The following NAV3 variants were observed in gnomAD, a reference collection of about 807,000 sequenced individuals.
NAV3 encodes the protein neuron navigator 3, also known as pore membrane and/or filament interacting like protein 1.
Under a neutral mutation model 244.7 loss-of-function variants are expected in NAV3, and 87 were observed. The observed-to-expected ratio is 0.36, with a 90% CI of 0.30 to 0.42. The LOEUF is 0.42. Ranked by LOEUF, NAV3 falls within the 20% of genes least tolerant of loss-of-function variation. The pLI, the probability that NAV3 is intolerant of heterozygous loss-of-function variation, is 1.00. For missense variants in NAV3, 2,663 were observed against 2,893.3 expected, an observed-to-expected ratio of 0.92 and a Z score of 1.83; for synonymous variants, 1,126 against 1,042.2, an observed-to-expected ratio of 1.08 and a Z score of -1.55.
intron 2 of NAV3, among the ~76,000 whole-genome samples, chr12:77,802,812 A>G (rs1319530891): frequency 6.6e-6 from 1 of 151,972 alleles, no homozygotes; most frequent in Non-Finnish European, 1.5e-5. Context: ...ACAGGTGCCC[A>G]CCACCATGCC....
chr12:77,985,843 G>C (rs1870410933), intron 5 of NAV3, among the ~76,000 whole-genome samples: 1 of 152,054 alleles, frequency 6.6e-6, no homozygotes, highest in Non-Finnish European at 1.5e-5. Flanking sequence ...TTTTAGCCAT[G>C]ATTTCCTATT....
intron 16 of NAV3, among the ~76,000 whole-genome samples, chr12:78,124,691 C>T (rs1034679940): frequency 5.9e-5 from 9 of 151,898 alleles, no homozygotes; most frequent in African/African-American, 2.2e-4. Context: ...TGACTTCAAG[C>T]GATCTACCCT....
rs771245734 is a variant in NAV3 at position 78,190,037 on chromosome 12, C to T, written c.6109C>T (p.Pro2037Ser). Reference sequence around the variant, plus strand: ...TGTTTTTGATACGCTGATTCCTAAACCAATTACCCAAAGGTACTTTAACTT... The same window carrying T: ...TGTTTTTGATACGCTGATTCCTAAATCAATTACCCAAAGGTACTTTAACTT... ...SFVFDTLIPKPITQRYFNLLM... is the reference protein window; with the variant it reads ...SFVFDTLIPKSITQRYFNLLM... The change falls in exon 34 of 40, where the codon CCA (proline) becomes TCA (serine). Residue 2037 changes from proline to serine, a missense_variant. Pro to Ser is a moderately conservative substitution (Grantham distance 74, BLOSUM62 -1). Transcript: ENST00000397909. The T allele has an allele frequency of 5.0e-6, 8 of 1,612,926 alleles. No homozygotes were observed. The South Asian group carries it at 6.6e-5, about 13-fold the overall frequency.
chr12:77,686,655 C>T (rs1874766832), intron 2 of NAV3, among the ~76,000 whole-genome samples: 1 of 151,722 alleles, frequency 6.6e-6, no homozygotes, highest in African/African-American at 2.4e-5. Context: ...ATTATTATGC[C>T]CATTTATAGA....
At chr12:77,983,304 C>T (rs912453130) in intron 5 of NAV3, among the ~76,000 whole-genome samples, 1 of 152,160 alleles carries the variant, frequency 6.6e-6, no homozygotes, top group Non-Finnish European at 1.5e-5. Context: ...CAGTTTAATG[C>T]TTGCAGATCT....
At chr12:77,760,827 G>A (rs569417536) in intron 2 of NAV3, among the ~76,000 whole-genome samples, 5 of 152,260 alleles carry the variant, frequency 3.3e-5, no homozygotes, top group African/African-American at 1.2e-4. Flanking sequence ...AGGCAATTAC[G>A]AGTACTAGGA....
At chr12:77,579,149 C>T (rs1299267567) in intron 2 of NAV3, among the ~76,000 whole-genome samples, 1 of 152,158 alleles carries the variant, frequency 6.6e-6, no homozygotes, top group Non-Finnish European at 1.5e-5. Flanking sequence ...AGCTTTAGTA[C>T]TTTAGGTCCA....
At chr12:77,651,292 G>A (rs1872810709) in intron 2 of NAV3, among the ~76,000 whole-genome samples, 2 of 152,200 alleles carry the variant, frequency 1.3e-5, no homozygotes, top group Admixed American at 6.5e-5. Flanking sequence ...AAAGATTGAA[G>A]TAACATTTCA....
At chr12:77,845,190 T>C (rs1424982088) in intron 1 of NAV3, among the ~76,000 whole-genome samples, 2 of 152,166 alleles carry the variant, frequency 1.3e-5, no homozygotes, top group Non-Finnish European at 2.9e-5. Flanking sequence ...ATAAAAGGAA[T>C]CTTGTGGAAT....
chr12:77,963,869 C>CTCCT (rs1265026187), intron 3 of NAV3, among the ~76,000 whole-genome samples: 5 of 62,076 alleles, frequency 8.1e-5, no homozygotes, highest in African/African-American at 3.4e-4. Flanking sequence ...CCCTCCCTCC[C>CTCCT]TCCTTCCTTC....
intron 3 of NAV3, among the ~76,000 whole-genome samples, chr12:77,957,483 T>G (rs1891473009): frequency 6.6e-6 from 1 of 152,210 alleles, no homozygotes; most frequent in African/African-American, 2.4e-5. Flanking sequence ...ATTACTTTGT[T>G]GATATTGTGA....
At chr12:78,054,447 C>T (rs976885438) in intron 11 of NAV3, among the ~76,000 whole-genome samples, 1 of 152,084 alleles carries the variant, frequency 6.6e-6, no homozygotes, top group African/African-American at 2.4e-5. Flanking sequence ...AATACTATAT[C>T]TTAGAGATTA....
In NAV3 at chr12:78,119,351, C is replaced by A. The variant is rs2138605098; in HGVS notation, c.3155C>A (p.Pro1052His). The change falls in exon 15 of 40, where the codon CCC becomes CAC. Residue 1052 changes from proline to histidine, a missense_variant. Pro to His is a moderately conservative substitution (Grantham distance 77). Coordinates refer to ENST00000397909, the MANE Select transcript of NAV3 (RefSeq NM_001024383.2). ...GKSSGDEGKK[P>H]PSGIGRSTAT... ...AGCAGTGGAGATGAAGGGAAAAAGC[C>A]CCCCTCAGGCATTGGAAGATCGACT... The A allele has an allele frequency of 6.2e-7, 1 of 1,614,070 alleles. No individual in the cohort carries two copies. Among genetic ancestry groups the A allele is most frequent in the Non-Finnish European group, 8.5e-7 (1 of 1,180,022 alleles).
chr12:77,656,591 C>G (rs1282383231), intron 2 of NAV3, among the ~76,000 whole-genome samples: 5 of 131,600 alleles, frequency 3.8e-5, no homozygotes, highest in African/African-American at 1.6e-4. Flanking sequence ...TTGAACTCAG[C>G]TCTGCACCAA....
At chr12:78,125,069 T>A (rs893029268) in intron 16 of NAV3, among the ~76,000 whole-genome samples, 2 of 152,166 alleles carry the variant, frequency 1.3e-5, no homozygotes, top group Non-Finnish European at 2.9e-5. Context: ...TTCAAGTACA[T>A]TTAAGAAAGT....
intron 1 of NAV3, among the ~76,000 whole-genome samples, chr12:77,901,939 C>A (rs1885349119): frequency 6.6e-6 from 1 of 152,084 alleles, no homozygotes; most frequent in African/African-American, 2.4e-5. Flanking sequence ...TTGGATGTAA[C>A]AATAGTTGTC....
chr12:77,852,234 C>G (rs1877640060), intron 1 of NAV3, among the ~76,000 whole-genome samples: 1 of 152,284 alleles, frequency 6.6e-6, no homozygotes, highest in East Asian at 1.9e-4. Flanking sequence ...AGTTTAAACT[C>G]TGAAAATTCT....
chr12:77,945,877 T>C (rs896506437), intron 3 of NAV3, among the ~76,000 whole-genome samples: 2 of 151,710 alleles, frequency 1.3e-5, no homozygotes, highest in African/African-American at 4.8e-5. Flanking sequence ...GCCTCCTGAG[T>C]AGCTGGGATT....
intron 2 of NAV3, among the ~76,000 whole-genome samples, chr12:77,630,304 T>C (rs956257581): frequency 1.3e-5 from 2 of 152,168 alleles, no homozygotes; most frequent in African/African-American, 4.8e-5. Context: ...ACTGTGCCTG[T>C]AGATTAGCAA....
Sources: gnomAD v4.1 joint callset for allele counts (sites outside exome capture counted in the v4.1 genomes callset) on GRCh38, gnomAD v4.1.1 for gene constraint, MANE v1.5 for transcripts, NCBI Gene and HGNC (gene_info 2026-07-23, HGNC 2026-07-21) for gene names.